NKAIN3: variants seen among roughly 807,000 people sequenced by gnomAD.
The protein encoded by NKAIN3 is sodium/potassium-transporting ATPase subunit beta-1-interacting protein 3.
A neutral mutation model predicts 30.2 loss-of-function variants in NKAIN3; 25 were observed. That is an observed-to-expected ratio of 0.83 (90% CI 0.60 to 1.16). The LOEUF is 1.16. NKAIN3 is among the 50% of genes most tolerant of loss of function. NKAIN3 has a pLI of 0.00. For synonymous variants in NKAIN3, 91 were observed against 89.6 expected (o/e 1.02, Z -0.09); for missense variants, 225 against 254.1 (o/e 0.89, Z 0.78).
intron 1 of NKAIN3, among the ~76,000 whole-genome samples, chr8:62,281,225 C>A (rs927963711): frequency 6.6e-6 from 1 of 151,944 alleles, no homozygotes; most frequent in Non-Finnish European, 1.5e-5. Flanking sequence ...TAATATCCCC[C>A]TCTATCATTT....
chr8:62,790,791 G>A (rs1476689260), intron 4 of NKAIN3, among the ~76,000 whole-genome samples: 2 of 152,062 alleles, frequency 1.3e-5, no homozygotes, highest in Non-Finnish European at 2.9e-5. Flanking sequence ...ACTCTGATAA[G>A]TGCTACTCAC....
intron 1 of NKAIN3, among the ~76,000 whole-genome samples, chr8:62,441,064 C>T (rs1474162120): frequency 2.6e-5 from 4 of 152,038 alleles, no homozygotes; most frequent in Admixed American, 6.6e-5. Context: ...GTTTGCTATC[C>T]TATTTCTACT....
chr8:62,683,801 C>A (rs1335934878), intron 3 of NKAIN3, among the ~76,000 whole-genome samples: 1 of 152,068 alleles, frequency 6.6e-6, no homozygotes, highest in Non-Finnish European at 1.5e-5. Context: ...ATGTATTGCC[C>A]ACATATTGGC....
chr8:62,627,136 T>C (rs1369196163), intron 3 of NKAIN3, among the ~76,000 whole-genome samples: 1 of 152,150 alleles, frequency 6.6e-6, no homozygotes, highest in Admixed American at 6.6e-5. Context: ...AATGAGAAGT[T>C]CGGTGTTCAA....
chr8:62,631,317 C>A (rs1421194920), intron 3 of NKAIN3, among the ~76,000 whole-genome samples: 1 of 152,160 alleles, frequency 6.6e-6, no homozygotes, highest in Non-Finnish European at 1.5e-5. Context: ...ACCTTGCAAT[C>A]CCCTCTCCAC....
Position 62,634,808 on chromosome 8 carries a change from A to G in NKAIN3, c.273+45014A>G, listed in dbSNP as rs149018001. 2.3e-3 allele frequency among the ~76,000 whole-genome samples: 346 copies of G among 152,278 alleles called. 3 individuals carry two copies. The highest frequency in any genetic ancestry group is 8.2e-3 in the African/African-American group (339 of 41,566). On this transcript the variant is annotated intron_variant, in intron 3 of 6. Coordinates refer to ENST00000623646, the MANE Select transcript of NKAIN3 (RefSeq NM_001304533.3). ...TGGAGTTACTTGTATGGGATAAACC[A>G]AACAAGAATGGACTTTATAACTGGC...
intron 1 of NKAIN3, among the ~76,000 whole-genome samples, chr8:62,384,279 T>C (rs1011219791): frequency 2.0e-5 from 3 of 152,270 alleles, no homozygotes; most frequent in African/African-American, 7.2e-5. Flanking sequence ...AGTGCAGTAG[T>C]TAATATAGTT....
chr8:62,345,450 C>CACATATATACACAT (rs1815930296), intron 1 of NKAIN3, among the ~76,000 whole-genome samples: 2 of 78,064 alleles, frequency 2.6e-5, no homozygotes, highest in African/African-American at 6.3e-5. Context: ...TATATACACA[C>CACATATATACACAT]ATATGTATAT....
intron 3 of NKAIN3, among the ~76,000 whole-genome samples, chr8:62,615,849 GA>G (rs1403487614): frequency 1.1e-4 from 17 of 152,154 alleles, no homozygotes; most frequent in Non-Finnish European, 2.4e-4. Flanking sequence ...CAGGGATAGG[GA>G]AAGGGTGGCA....
chr8:62,952,992 C>A (rs1823327314), intron 5 of NKAIN3, among the ~76,000 whole-genome samples: 2 of 151,972 alleles, frequency 1.3e-5, no homozygotes, highest in East Asian at 1.9e-4. Context: ...TAAATAGATA[C>A]TATTTATGGG....
chr8:62,347,822 G>T (rs1816050436), intron 1 of NKAIN3, among the ~76,000 whole-genome samples: 1 of 152,046 alleles, frequency 6.6e-6, no homozygotes, highest in Admixed American at 6.6e-5. Flanking sequence ...GGGAAAGCAA[G>T]AGCTACTCAT....
chr8:62,430,366 G>GGGGT (rs1554530280), intron 1 of NKAIN3, among the ~76,000 whole-genome samples: 49 of 142,564 alleles, frequency 3.4e-4, no homozygotes, highest in South Asian at 1.2e-3. Flanking sequence ...TATATATTGT[G>GGGGT]GTGTGTGTGT....
chr8:62,658,784 T>C (rs1209448081), intron 3 of NKAIN3, among the ~76,000 whole-genome samples: 3 of 152,190 alleles, frequency 2.0e-5, no homozygotes, highest in Admixed American at 6.6e-5. Context: ...GAAAGTAAAG[T>C]ATTACTCCTT....
In NKAIN3 at chr8:62,642,010, C is replaced by T. The variant is rs73683354; in HGVS notation, c.273+52216C>T. Among the ~76,000 whole-genome samples the T allele has an allele frequency of 6.8e-3, 1,033 of 151,966 alleles. 6 individuals carry two copies. The highest frequency in any genetic ancestry group is 0.023 in the African/African-American group (968 of 41,444). ...TCTGAGAATGCTGGGATGCAACCTGCCAAGAGATATATGGATGAAACAAAT... is the reference window on the plus strand; with the variant it reads ...TCTGAGAATGCTGGGATGCAACCTGTCAAGAGATATATGGATGAAACAAAT... On this transcript the variant is annotated intron_variant, in intron 3 of 6. Coordinates refer to ENST00000623646, the MANE Select transcript of NKAIN3 (RefSeq NM_001304533.3).
intron 4 of NKAIN3, among the ~76,000 whole-genome samples, chr8:62,913,707 A>G (rs1318483786): frequency 6.6e-6 from 1 of 152,244 alleles, no homozygotes; most frequent in Admixed American, 6.5e-5. Context: ...CAAATGAATT[A>G]TTTTAATAGC....
chr8:62,640,684 C>T (rs987241939), intron 3 of NKAIN3, among the ~76,000 whole-genome samples: 3 of 152,034 alleles, frequency 2.0e-5, no homozygotes, highest in African/African-American at 4.8e-5. Flanking sequence ...TTCCTCTGCG[C>T]GCACCCAGCC....
intron 1 of NKAIN3, among the ~76,000 whole-genome samples, chr8:62,362,759 A>T (rs1816605919): frequency 1.3e-5 from 2 of 152,242 alleles, no homozygotes; most frequent in African/African-American, 4.8e-5. Context: ...ATCACAGCAG[A>T]TTCAGAGAGA....
chr8:62,590,350 T>A (rs118038808), intron 3 of NKAIN3, among the ~76,000 whole-genome samples: 1 of 151,870 alleles, frequency 6.6e-6, no homozygotes, highest in Non-Finnish European at 1.5e-5. Flanking sequence ...GTTGTCTTAA[T>A]GCAGCAATGA....
chr8:62,865,349 C>G lies in NKAIN3; in HGVS notation c.472-53104C>G, dbSNP rs1820385255. ...ACTGCATTCTGAGCTAGCAAGTGTTCCCAGAGCGTTGGACATAAACGGTGA... is the reference window on the plus strand; with the variant it reads ...ACTGCATTCTGAGCTAGCAAGTGTTGCCAGAGCGTTGGACATAAACGGTGA... On this transcript the variant is annotated intron_variant, in intron 4 of 6. Coordinates refer to ENST00000623646, the MANE Select transcript of NKAIN3 (RefSeq NM_001304533.3). Among the ~76,000 whole-genome samples the G allele has an allele frequency of 2.0e-5, 3 of 152,200 alleles. No individual in the cohort carries two copies. In the South Asian group the frequency reaches 6.2e-4, roughly 31 times the overall value.
Sources: gnomAD v4.1 joint callset for allele counts (sites outside exome capture counted in the v4.1 genomes callset) on GRCh38, gnomAD v4.1.1 for gene constraint, MANE v1.5 for transcripts, NCBI Gene and HGNC (gene_info 2026-07-23, HGNC 2026-07-21) for gene names.